Variants in PTCHD1 observed in about 807,000 individuals in gnomAD.
PTCHD1 encodes the protein patched domain containing 1, also known as patched domain-containing protein 1.
Under a neutral mutation model 34.6 loss-of-function variants are expected in PTCHD1, and 3 were observed. The observed-to-expected ratio is 0.09, with a 90% CI of 0.04 to 0.22. The LOEUF is 0.22. Ranked by LOEUF, PTCHD1 falls within the 10% of genes least tolerant of loss-of-function variation. PTCHD1 has a pLI of 1.00. For synonymous variants in PTCHD1, 305 were observed against 283.1 expected, an observed-to-expected ratio of 1.08 and a Z score of -0.77; for missense variants, 504 against 685.5, an observed-to-expected ratio of 0.74 and a Z score of 2.96.
chrX:23,355,038 G>C, intron 1 of PTCHD1, among the ~76,000 whole-genome samples: 1 of 103,548 alleles, frequency 9.7e-6, no homozygotes, highest in Non-Finnish European at 2.0e-5. Flanking sequence ...TTTGGGGGGA[G>C]GGGGGAGGGA....
intron 1 of PTCHD1, among the ~76,000 whole-genome samples, chrX:23,338,936 C>T (rs772538666): frequency 1.6e-4 from 18 of 111,634 alleles, no homozygotes; most frequent in Non-Finnish European, 3.2e-4. Flanking sequence ...ACTCCAAATA[C>T]CCAAAGTAAA....
chrX:23,355,464 T>G (rs1307491048), intron 1 of PTCHD1, among the ~76,000 whole-genome samples: 1 of 113,002 alleles, frequency 8.8e-6, no homozygotes, highest in African/African-American at 3.2e-5. Flanking sequence ...CTGAAAAAAG[T>G]TACAAAGCTC....
In PTCHD1 at chrX:23,401,910, G is replaced by A. The variant is rs747271333; in HGVS notation, c.*7725G>A. The A allele has an allele frequency of 8.9e-5, 10 of 112,808 alleles. No individual in the cohort carries two copies. The highest frequency in any genetic ancestry group is 2.9e-4 in the African/African-American group (9 of 31,084). The allele number at this position is 112,808 out of a possible 1,213,427, so 9.3% of individuals were successfully genotyped here. A position where few individuals can be genotyped will look rare whatever the true frequency, so the allele number is the denominator to read the frequency against. On this transcript the variant is annotated 3_prime_UTR_variant, in exon 3 of 3. Transcript: ENST00000379361. ...TAAAAATTGCTAACAGTTTCACAGT[G>A]GGAAAATTGCATTTGTTGGAATTTT...
At chrX:23,374,021 G>T (rs1340344132) in intron 1 of PTCHD1, among the ~76,000 whole-genome samples, 1 of 110,480 alleles carries the variant, frequency 9.1e-6, no homozygotes. Flanking sequence ...GGGAGTAGAA[G>T]AAGTGGGAAG....
At chrX:23,375,452 C>T (rs1171491491) in intron 1 of PTCHD1, among the ~76,000 whole-genome samples, 1 of 111,544 alleles carries the variant, frequency 9.0e-6, no homozygotes, top group African/African-American at 3.3e-5. Flanking sequence ...CCACCACGCC[C>T]GGCTAATTTT....
At position 23,393,312 on chromosome X, in the gene PTCHD1, C is replaced by A. The variant is rs1335826012; in HGVS notation, c.1794C>A (p.Leu598=). The A allele has an allele frequency of 3.3e-6, 4 of 1,209,440 alleles. No individual in the cohort carries two copies. Among genetic ancestry groups the A allele is most frequent in the Non-Finnish European group, 4.5e-6 (4 of 894,355 alleles). ...GCTATTTAAATTACCTTCGGAAACT[C>A]AATGTATCCACTGGCTTGCCTAAGA... The part of the protein sequence containing the change: ...FESYLNYLRK[L]NVSTGLPKKN... Residue 598 remains leucine, a synonymous_variant, in exon 3 of 3, where the codon CTC becomes CTA. Transcript: ENST00000379361.
At chrX:23,381,569 G>A (rs946945834) in intron 2 of PTCHD1, among the ~76,000 whole-genome samples, 3 of 112,015 alleles carry the variant, frequency 2.7e-5, no homozygotes, top group African/African-American at 9.7e-5. Flanking sequence ...TGTGTTGTGA[G>A]CACACGATAA....
chrX:23,381,240 A>T (rs1019903683), intron 2 of PTCHD1, among the ~76,000 whole-genome samples: 6 of 112,008 alleles, frequency 5.4e-5, no homozygotes, highest in Middle Eastern at 9.2e-3. Context: ...CCTGATAGAG[A>T]TTAATGGTCA....
Position 23,396,069 on chromosome X carries a change from GA to G in PTCHD1, c.*1886del, listed in dbSNP as rs760354454. 8.9e-6 allele frequency: 1 copy of G among 112,342 alleles called. No individual in the cohort carries two copies. Among genetic ancestry groups the G allele is most frequent in the African/African-American group, 3.2e-5 (1 of 30,936 alleles). 9.3% of individuals were successfully genotyped at this position (112,342 alleles called of 1,213,427 possible). A position where few individuals can be genotyped will look rare whatever the true frequency, so the allele number is the denominator to read the frequency against. On this transcript the variant is annotated 3_prime_UTR_variant, in exon 3 of 3. Coordinates refer to ENST00000379361, the MANE Select transcript of PTCHD1 (RefSeq NM_173495.3). ...AGGGCAGACATTTTTTTAGTGTCTG[GA>G]ATTAAAATGTTTGAGGTTTAGGTTT...
rs1033804932 is a variant in PTCHD1 at position 23,397,860 on chromosome X, C to G, written c.*3675C>G. On this transcript the variant is annotated 3_prime_UTR_variant, in exon 3 of 3. Coordinates refer to ENST00000379361, the MANE Select transcript of PTCHD1 (RefSeq NM_173495.3). Reference sequence around the variant, plus strand: ...GGCAAGAGGCAGAACCTCTTGGACACAAATGTTATCTTCCTCATAATGGCT... The same window carrying G: ...GGCAAGAGGCAGAACCTCTTGGACAGAAATGTTATCTTCCTCATAATGGCT... The G allele has an allele frequency of 9.0e-6, 1 of 111,505 alleles. No individual in the cohort carries two copies. The highest frequency in any genetic ancestry group is 1.9e-5 in the Non-Finnish European group (1 of 53,111). The allele number at this position is 111,505 out of a possible 1,213,427, so 9.2% of individuals were successfully genotyped here.
chrX:23,342,310 A>ATATATATAT (rs1921357058), intron 1 of PTCHD1, among the ~76,000 whole-genome samples: 5 of 12,911 alleles, frequency 3.9e-4, no homozygotes, highest in African/African-American at 6.9e-4. Context: ...ATATATATAT[A>ATATATATAT]TTTTTTTTTT....
intron 1 of PTCHD1, among the ~76,000 whole-genome samples, chrX:23,370,521 A>G (rs1198112457): frequency 3.6e-5 from 4 of 111,924 alleles, no homozygotes; most frequent in African/African-American, 1.3e-4. Context: ...GAAGAAATGC[A>G]CTGTCCTATA....
intron 1 of PTCHD1, among the ~76,000 whole-genome samples, chrX:23,345,173 A>G (rs1921442537): frequency 8.9e-6 from 1 of 112,321 alleles, no homozygotes; most frequent in Admixed American, 9.4e-5. Flanking sequence ...GAAATCCACA[A>G]TTATTCAGGC....
chrX:23,344,018 C>T (rs1418125614), intron 1 of PTCHD1, among the ~76,000 whole-genome samples: 1 of 112,340 alleles, frequency 8.9e-6, no homozygotes, highest in Non-Finnish European at 1.9e-5. Flanking sequence ...CATGCACACA[C>T]GTCACCTAGG....
At chrX:23,381,270 A>G (rs1163793525) in intron 2 of PTCHD1, among the ~76,000 whole-genome samples, 1 of 112,530 alleles carries the variant, frequency 8.9e-6, no homozygotes, top group African/African-American at 3.2e-5. Flanking sequence ...CATAGTGGCC[A>G]TAACATCGGT....
chrX:23,358,059 T>C (rs1197097707), intron 1 of PTCHD1, among the ~76,000 whole-genome samples: 1 of 112,086 alleles, frequency 8.9e-6, no homozygotes, highest in East Asian at 2.8e-4. Context: ...AGTCTATCAT[T>C]GATGGACATT....
At chrX:23,335,566 C>G (rs7051796) in intron 1 of PTCHD1, among the ~76,000 whole-genome samples, 17,669 of 112,529 alleles carry the variant, frequency 0.16, 1,215 homozygotes, top group African/African-American at 0.24. Context: ...ACTGGGCCAG[C>G]AAGGAGCAGA....
At chrX:23,382,353 T>G (rs1922588542) in intron 2 of PTCHD1, among the ~76,000 whole-genome samples, 1 of 113,034 alleles carries the variant, frequency 8.8e-6, no homozygotes, top group Admixed American at 9.4e-5. Flanking sequence ...TCAAAACTTC[T>G]TAAAGTTAGT....
Position 23,404,333 on chromosome X carries a change from A to C in PTCHD1, c.*10148A>C, listed in dbSNP as rs1182352745. 1 of 112,019 alleles carries C rather than the reference A, an allele frequency of 8.9e-6. No individual in the cohort carries two copies. Among genetic ancestry groups the C allele is most frequent in the East Asian group, 2.8e-4 (1 of 3,608 alleles). 9.2% of individuals were successfully genotyped at this position (112,019 alleles called of 1,213,427 possible). On this transcript the variant is annotated 3_prime_UTR_variant, in exon 3 of 3. Transcript: ENST00000379361. ...GGGATACAATGTGATGTTTTGATAT[A>C]TGTATGCATTGTGGAATGATTAAAT... is the stretch of plus-strand genomic sequence containing the variant.
Sources: allele counts gnomAD v4.1 joint callset (sites outside exome capture counted in the v4.1 genomes callset), GRCh38; gene constraint gnomAD v4.1.1; transcripts MANE v1.5; gene names NCBI Gene and HGNC (gene_info 2026-07-23, HGNC 2026-07-21).